Variants in CACNA1G observed in about 807,000 individuals in gnomAD.
The protein encoded by CACNA1G is calcium voltage-gated channel subunit alpha1 G.
Under a neutral mutation model 219.4 loss-of-function variants are expected in CACNA1G, and 67 were observed. The ratio of observed to expected loss-of-function variants is 0.31; its 90% CI spans 0.25 to 0.37. The LOEUF (loss-of-function observed/expected upper bound fraction) is 0.37. Ranked by LOEUF, CACNA1G falls within the 10% of genes least tolerant of loss-of-function variation. The pLI is 1.00. For synonymous variants in CACNA1G, 1,296 were observed against 1,345.3 expected (o/e 0.96, Z 0.80); for missense variants, 2,380 against 3,231.4 (o/e 0.74, Z 6.39).
rs79838522 is a variant in CACNA1G at position 50,569,015 on chromosome 17, T to G, written c.354+34T>G. On this transcript the variant is annotated intron_variant, in intron 2 of 37. Coordinates refer to ENST00000359106, the MANE Select transcript of CACNA1G (RefSeq NM_018896.5). The stretch of plus-strand genomic sequence containing the variant: ...GTGTGTGTGTGTGTGTGTGTGTGTG[T>G]TGTGTGTGTTGGGGGTTGGCCCCTC... The G allele has an allele frequency of 5.5e-5, 68 of 1,227,494 alleles. No individual in the cohort carries two copies. The highest frequency in any genetic ancestry group is 2.6e-4 in the African/African-American group (17 of 64,654). 76.0% of individuals were successfully genotyped at this position (1,227,494 alleles called of 1,614,324 possible).
Position 50,617,388 on chromosome 17 carries a change from T to C in CACNA1G, c.5022-50T>C, listed in dbSNP as rs927134745. On this transcript the variant is annotated intron_variant, in intron 28 of 37. Transcript: ENST00000359106. This position sits in a 1 kb window ranked among gnomAD's most constrained non-coding sequence, Gnocchi z 5.8. ...TTTCTGTGCCACGACTGCCCCCTCC[T>C]TCAGGAACCCCCTCCCCCAACTCAG... is the stretch of plus-strand genomic sequence containing the variant. 8 of 1,576,310 alleles carry C rather than the reference T, an allele frequency of 5.1e-6. No homozygotes were observed. The highest frequency in any genetic ancestry group is 6.9e-6 in the Non-Finnish European group (8 of 1,156,666).
chr17:50,578,281 C>T lies in CACNA1G; in HGVS notation c.2018C>T (p.Ala673Val), dbSNP rs746313538. ...GACAGCTGCCCCTACTGTGCCCGGG[C>T]CGGGGCAGGGGAGGTGGAGCTCGCC... ...GPDSCPYCAR[A>V]GAGEVELADR... Residue 673 changes from alanine to valine, a missense_variant, in exon 9 of 38, where the codon GCC becomes GTC. Around this residue, in one of 17 missense-constraint regions of CACNA1G, gnomAD observed 434 missense variants for 417.3 expected, o/e 1.04. Coordinates refer to ENST00000359106, the MANE Select transcript of CACNA1G (RefSeq NM_018896.5). The surrounding 1 kb of genome is among the most constrained non-coding windows in gnomAD (Gnocchi z 4.5). 4 of 1,613,020 alleles carry T rather than the reference C, an allele frequency of 2.5e-6. No homozygotes were observed. The highest frequency in any genetic ancestry group is 2.5e-6 in the Non-Finnish European group (3 of 1,179,782).
chr17:50,612,455 C>T (rs2049416796), intron 26 of CACNA1G, among the ~76,000 whole-genome samples: 1 of 152,246 alleles, frequency 6.6e-6, no homozygotes. Context: ...GCCTCCAACA[C>T]CAGCTCCACT....
At chr17:50,570,590 A>G (rs55813917) in intron 4 of CACNA1G, among the ~76,000 whole-genome samples, 34 of 31,410 alleles carry the variant, frequency 1.1e-3, no homozygotes, top group East Asian at 7.9e-3. Flanking sequence ...TGTGTGTGTG[A>G]TGTTGCTGCT....
chr17:50,605,164 G>A (rs1462724071), intron 22 of CACNA1G, among the ~76,000 whole-genome samples: 1 of 152,136 alleles, frequency 6.6e-6, no homozygotes, highest in Admixed American at 6.5e-5. Context: ...GTGAAGCATT[G>A]TTGAGCCCAG....
At chr17:50,587,311 C>T (rs1223506171) in intron 9 of CACNA1G, among the ~76,000 whole-genome samples, 1 of 152,182 alleles carries the variant, frequency 6.6e-6, no homozygotes, top group Admixed American at 6.5e-5. Flanking sequence ...AGGAGGCTCA[C>T]AGCCCTCCCT....
rs866447570 is a variant in CACNA1G, at chr17:50,571,693, C to T, written c.587-185C>T. On this transcript the variant is annotated intron_variant, in intron 4 of 37. Transcript: ENST00000359106. This position sits in a 1 kb window ranked among gnomAD's most constrained non-coding sequence, Gnocchi z 4.3. The stretch of plus-strand genomic sequence containing the variant: ...GGGCAAGCCACAAGGGGAAGTGGGT[C>T]GGGGCAAGGGGCTGCAGAGGCTATC... Among the ~76,000 whole-genome samples the T allele has an allele frequency of 2.0e-5, 3 of 152,120 alleles. No individual in the cohort carries two copies. The highest frequency in any genetic ancestry group is 2.9e-5 in the Non-Finnish European group (2 of 68,004).
Position 50,612,651 on chromosome 17 carries a change from G to A in CACNA1G, c.4760-2710G>A, listed in dbSNP as rs150776156. Among the ~76,000 whole-genome samples, 384 of 152,282 alleles carry A rather than the reference G, an allele frequency of 2.5e-3. 2 individuals are homozygous for A. The highest frequency in any genetic ancestry group is 8.6e-3 in the African/African-American group (358 of 41,540). ...TGCCACTCCCCTTTGCAAACCCTCCGCCCTGGCCATGCCTTGGGCTCCCTG... is the reference window on the plus strand; with the variant it reads ...TGCCACTCCCCTTTGCAAACCCTCCACCCTGGCCATGCCTTGGGCTCCCTG... On this transcript the variant is annotated intron_variant, in intron 26 of 37. Coordinates refer to ENST00000359106, the MANE Select transcript of CACNA1G (RefSeq NM_018896.5).
chr17:50,583,071 C>G (rs2042275686), intron 9 of CACNA1G, among the ~76,000 whole-genome samples: 1 of 152,138 alleles, frequency 6.6e-6, no homozygotes, highest in South Asian at 2.1e-4. Flanking sequence ...TTCAGTTCTG[C>G]TGAAGGCTGG....
Position 50,582,030 on chromosome 17 carries a change from A to C in CACNA1G, c.2301+3466A>C, listed in dbSNP as rs559205088. ...TTCCACCGAATGTGGGGTTGGGAAG[A>C]GACGTGGACAATTGGTTCTCCCAAG... On this transcript the variant is annotated intron_variant, in intron 9 of 37. Transcript: ENST00000359106. Among the ~76,000 whole-genome samples the C allele has an allele frequency of 3.9e-3, 587 of 152,384 alleles. 2 individuals are homozygous for C. The highest frequency in any genetic ancestry group is 6.2e-3 in the Non-Finnish European group (419 of 68,040).
At chr17:50,577,705 A>C (rs1214109885) in intron 8 of CACNA1G, among the ~76,000 whole-genome samples, 1 of 151,724 alleles carries the variant, frequency 6.6e-6, no homozygotes, top group Non-Finnish European at 1.5e-5. Context: ...GGTGGTGTCC[A>C]AATAGTATAC....
At chr17:50,569,037 C>T (rs371342918) in intron 2 of CACNA1G, 56 bp downstream of exon 2, 2 of 1,059,672 alleles carry the variant, frequency 1.9e-6, no homozygotes, top group African/African-American at 2.0e-5. Flanking sequence ...GGGGTTGGCC[C>T]CTCTTAATCT....
In CACNA1G at chr17:50,617,650, G is replaced by C; in HGVS notation, c.5155+79G>C. 2.6e-6 allele frequency: 4 copies of C among 1,551,722 alleles called. No homozygotes were observed. Among genetic ancestry groups the C allele is most frequent in the Non-Finnish European group, 3.5e-6 (4 of 1,141,794 alleles). On this transcript the variant is annotated intron_variant, in intron 29 of 37. Coordinates refer to ENST00000359106, the MANE Select transcript of CACNA1G (RefSeq NM_018896.5). The surrounding 1 kb of genome is among the most constrained non-coding windows in gnomAD (Gnocchi z 5.8). ...AGAGCAAGGGTCGGCTTTGTGGCTG[G>C]TCAAGGCCTGGGCGGCTGTGGGTTC...
intron 28 of CACNA1G, among the ~76,000 whole-genome samples, chr17:50,616,854 T>TGTTTC (rs770570439): frequency 6.6e-6 from 1 of 152,132 alleles, no homozygotes. Context: ...TTTTTCGTTT[T>TGTTTC]GTTTTGTTTT....
chr17:50,578,037 C>G lies in CACNA1G; in HGVS notation c.1925-151C>G, dbSNP rs2041100515. 2 of 841,084 alleles carry G rather than the reference C, an allele frequency of 2.4e-6. No individual in the cohort carries two copies. The highest frequency in any genetic ancestry group is 5.5e-5 in the East Asian group (2 of 36,226). The allele number at this position is 841,084 out of a possible 1,614,324, so 52.1% of individuals were successfully genotyped here. A position where few individuals can be genotyped will look rare whatever the true frequency, so the allele number is the denominator to read the frequency against. The stretch of plus-strand genomic sequence containing the variant: ...TGTGGGTCAAGACTGCCCACCTTGC[C>G]TGACATTCAGCACCCCTGGCCCACT... On this transcript the variant is annotated intron_variant, in intron 8 of 37. Coordinates refer to ENST00000359106, the MANE Select transcript of CACNA1G (RefSeq NM_018896.5). This position sits in a 1 kb window ranked among gnomAD's most constrained non-coding sequence, Gnocchi z 4.5.
At position 50,569,694 on chromosome 17, in the gene CACNA1G, C is replaced by T. The variant is rs756354819; in HGVS notation, c.489-12C>T. 7 of 1,544,590 alleles carry T rather than the reference C, an allele frequency of 4.5e-6. No individual in the cohort carries two copies. In the South Asian group the frequency reaches 8.3e-5, roughly 18 times the overall value. ...AGACTCAAAGGGCCTCCCTTTGGGC[C>T]CCTCCCTGCAGGATGCTGGAGTACT... On this transcript the variant is annotated splice_polypyrimidine_tract_variant and intron_variant, in intron 3 of 37. Coordinates refer to ENST00000359106, the MANE Select transcript of CACNA1G (RefSeq NM_018896.5).
intron 26 of CACNA1G, among the ~76,000 whole-genome samples, chr17:50,613,737 G>C (rs1033470516): frequency 1.6e-4 from 25 of 152,368 alleles, no homozygotes; most frequent in African/African-American, 6.0e-4. Flanking sequence ...TTAATGCAGA[G>C]AAAATGTTCC....
intron 26 of CACNA1G, among the ~76,000 whole-genome samples, chr17:50,614,853 T>C (rs1598698476): frequency 1.3e-5 from 2 of 152,340 alleles, no homozygotes; most frequent in East Asian, 3.9e-4. Flanking sequence ...GCCAAGAAGA[T>C]GTCCAATTTC....
intron 14 of CACNA1G, among the ~76,000 whole-genome samples, chr17:50,595,636 C>T (rs951239025): frequency 3.3e-5 from 5 of 152,250 alleles, no homozygotes; most frequent in Admixed American, 6.5e-5. Flanking sequence ...CACTTGGGTC[C>T]GGCTGGCGCT....
Sources: allele counts gnomAD v4.1 joint callset (sites outside exome capture counted in the v4.1 genomes callset), GRCh38; gene constraint gnomAD v4.1.1; regional missense constraint gnomAD v4.1.1; non-coding constraint Gnocchi (gnomAD v3.1); transcripts MANE v1.5; gene names NCBI Gene and HGNC (gene_info 2026-07-23, HGNC 2026-07-21).